RBFOX1: variants seen among roughly 807,000 people sequenced by gnomAD.
The protein encoded by RBFOX1 is RNA binding fox-1 homolog 1.
RBFOX1 carries 8 observed loss-of-function variants against 57.7 expected under a neutral mutation model. The observed-to-expected ratio is 0.14, with a 90% CI of 0.08 to 0.25. The LOEUF is 0.25. RBFOX1 is among the 10% of genes least tolerant of loss of function. The pLI is 1.00. For synonymous variants in RBFOX1, 326 were observed against 222.4 expected (o/e 1.47, Z -4.15); for missense variants, 611 against 548.5 (o/e 1.11, Z -1.14).
chr16:6,546,863 A>T (rs984635534), intron 2 of RBFOX1, among the ~76,000 whole-genome samples: 1 of 152,238 alleles, frequency 6.6e-6, no homozygotes, highest in African/African-American at 2.4e-5. Context: ...TGACAAGTTC[A>T]AACACAGATC....
intron 4 of RBFOX1, among the ~76,000 whole-genome samples, chr16:7,168,351 T>C (rs1313319247): frequency 1.3e-5 from 2 of 152,154 alleles, no homozygotes; most frequent in South Asian, 2.1e-4. Flanking sequence ...TTGTCTGATA[T>C]GTGCTAGGGT....
At chr16:7,489,511 T>C (rs1599776022) in intron 4 of RBFOX1, among the ~76,000 whole-genome samples, 1 of 111,490 alleles carries the variant, frequency 9.0e-6, no homozygotes, top group African/African-American at 3.2e-5. Context: ...GAATTATTAT[T>C]ATTATTTTTT....
At chr16:7,573,603 G>A (rs905011972) in intron 5 of RBFOX1, among the ~76,000 whole-genome samples, 3 of 152,146 alleles carry the variant, frequency 2.0e-5, no homozygotes, top group African/African-American at 7.2e-5. Flanking sequence ...GGAGGCCAAG[G>A]CAGGCCGATC....
chr16:5,366,062 G>A, intron 1 of RBFOX1: 1 of 474,330 alleles, frequency 2.1e-6, no homozygotes. Context: ...GTTTCCCTTG[G>A]GGCTTTGAAA....
chr16:7,391,675 C>T (rs988224093), intron 4 of RBFOX1, among the ~76,000 whole-genome samples: 1 of 152,164 alleles, frequency 6.6e-6, no homozygotes, highest in Non-Finnish European at 1.5e-5. Context: ...TGATACTCTT[C>T]CCCCAAAAGA....
chr16:6,818,740 A>C (rs2090665047), intron 3 of RBFOX1, among the ~76,000 whole-genome samples: 1 of 152,128 alleles, frequency 6.6e-6, no homozygotes, highest in South Asian at 2.1e-4. Context: ...AGATAGAAAA[A>C]GCCCCAAGCT....
At chr16:7,580,287 G>A (rs569929507) in intron 6 of RBFOX1, among the ~76,000 whole-genome samples, 1 of 152,208 alleles carries the variant, frequency 6.6e-6, no homozygotes, top group South Asian at 2.1e-4. Flanking sequence ...TCTTGGTTTT[G>A]CTTTCTTTTA....
At chr16:5,315,058 T>C (rs1265193082) in intron 1 of RBFOX1, among the ~76,000 whole-genome samples, 3 of 152,136 alleles carry the variant, frequency 2.0e-5, no homozygotes, top group Non-Finnish European at 4.4e-5. Flanking sequence ...GAGGAACCAG[T>C]TTATCTGCCT....
rs553758685 is a variant in RBFOX1, at chr16:7,055,876, CTCTT to C, written c.27+3781_27+3784del. Reference sequence around the variant, plus strand: ...TTTCCTGTCATTAGTTTTCATTACTCTCTTTCATCCTACATGTGTGGGCTCAGCA... The same window carrying C: ...TTTCCTGTCATTAGTTTTCATTACTCTCATCCTACATGTGTGGGCTCAGCA... On this transcript the variant is annotated intron_variant, in intron 4 of 15. Transcript: ENST00000550418. Among the ~76,000 whole-genome samples the C allele has an allele frequency of 1.4e-4, 21 of 152,270 alleles. No homozygotes were observed. The South Asian group carries it at 3.9e-3, about 29-fold the overall frequency.
intron 2 of RBFOX1, among the ~76,000 whole-genome samples, chr16:5,485,441 A>G (rs1567150489): frequency 1.3e-5 from 2 of 151,524 alleles, no homozygotes; most frequent in Non-Finnish European, 2.9e-5. Context: ...TGAGATCATC[A>G]GTACCATTTT....
At chr16:6,596,054 TTC>T (rs1447925803) in intron 2 of RBFOX1, among the ~76,000 whole-genome samples, 6 of 152,108 alleles carry the variant, frequency 3.9e-5, no homozygotes, top group Non-Finnish European at 8.8e-5. Context: ...TTTGAAAATA[TTC>T]TGTTTCATTC....
chr16:6,175,878 G>A (rs938704512), intron 1 of RBFOX1, among the ~76,000 whole-genome samples: 2 of 152,106 alleles, frequency 1.3e-5, no homozygotes, highest in Admixed American at 1.3e-4. Context: ...AGAGCCTGAG[G>A]CAGAGGTTTG....
chr16:6,982,490 G>T (rs77494453), intron 3 of RBFOX1, among the ~76,000 whole-genome samples: 1 of 152,122 alleles, frequency 6.6e-6, no homozygotes, highest in African/African-American at 2.4e-5. Context: ...AGTCGTTGAC[G>T]AGGTGGATCC....
intron 3 of RBFOX1, among the ~76,000 whole-genome samples, chr16:5,625,974 T>A (rs1005864407): frequency 2.0e-5 from 3 of 152,236 alleles, no homozygotes; most frequent in African/African-American, 7.2e-5. Context: ...CCTCCTGGGT[T>A]CAAACTATTC....
intron 3 of RBFOX1, among the ~76,000 whole-genome samples, chr16:7,009,937 G>T (rs530178242): frequency 2.6e-5 from 4 of 152,248 alleles, no homozygotes; most frequent in Admixed American, 2.6e-4. Flanking sequence ...TTTTGCCATT[G>T]GCTACAAGGA....
intron 4 of RBFOX1, among the ~76,000 whole-genome samples, chr16:7,175,855 G>C (rs1189313674): frequency 6.6e-6 from 1 of 152,184 alleles, no homozygotes; most frequent in Non-Finnish European, 1.5e-5. Flanking sequence ...CTTTAGAGGA[G>C]TTGAAAGGAC....
At chr16:6,810,790 A>G (rs1414897094) in intron 3 of RBFOX1, among the ~76,000 whole-genome samples, 2 of 152,082 alleles carry the variant, frequency 1.3e-5, no homozygotes, top group Admixed American at 6.6e-5. Flanking sequence ...AAACCATCAG[A>G]TCTCGCCAGA....
intron 4 of RBFOX1, among the ~76,000 whole-genome samples, chr16:7,512,579 G>A (rs1020731844): frequency 7.2e-5 from 11 of 152,176 alleles, no homozygotes; most frequent in African/African-American, 2.7e-4. Flanking sequence ...ATGAAATCTG[G>A]AGTCCCATGT....
At chr16:6,634,793 T>C (rs990050162) in intron 2 of RBFOX1, among the ~76,000 whole-genome samples, 1 of 138,988 alleles carries the variant, frequency 7.2e-6, no homozygotes, top group Non-Finnish European at 1.5e-5. Flanking sequence ...TACAAAGATA[T>C]ACATATATTT....
Sources: allele counts gnomAD v4.1 joint callset (sites outside exome capture counted in the v4.1 genomes callset), GRCh38; gene constraint gnomAD v4.1.1; transcripts MANE v1.5; gene names NCBI Gene and HGNC (gene_info 2026-07-23, HGNC 2026-07-21).